The following TNFSF8 variants were observed in gnomAD, a reference collection of about 807,000 sequenced individuals.
The protein encoded by TNFSF8 is TNF superfamily member 8, also known as tumor necrosis factor ligand superfamily member 8.
Under a neutral mutation model 22.0 loss-of-function variants are expected in TNFSF8, and 4 were observed. The ratio of observed to expected loss-of-function variants is 0.18; its 90% CI spans 0.09 to 0.42. The LOEUF (loss-of-function observed/expected upper bound fraction) is 0.42. Ranked by LOEUF, TNFSF8 falls within the 10% of genes least tolerant of loss-of-function variation. The probability of loss-of-function intolerance (pLI) is 1.00; values close to 1 mark genes in which losing one functional copy is unlikely to be tolerated. For synonymous variants in TNFSF8, 106 were observed against 112.5 expected, an observed-to-expected ratio of 0.94 and a Z score of 0.37; for missense variants, 233 against 281.8, an observed-to-expected ratio of 0.83 and a Z score of 1.24.
intron 1 of TNFSF8, among the ~76,000 whole-genome samples, chr9:114,919,399 G>A (rs1243273707): frequency 6.6e-6 from 1 of 152,102 alleles, no homozygotes. Context: ...GTGACTAAAG[G>A]GAGGTTCTAG....
chr9:114,905,951 G>A (rs1335897284), intron 2 of TNFSF8, 52 bp from the exon 3 acceptor site: 1 of 1,200,806 alleles, frequency 8.3e-7, no homozygotes, highest in South Asian at 1.2e-5. Context: ...TTTGGGATCT[G>A]GAAATACCTG....
intron 1 of TNFSF8, among the ~76,000 whole-genome samples, chr9:114,919,317 A>G (rs1041493780): frequency 6.6e-5 from 10 of 152,180 alleles, no homozygotes; most frequent in African/African-American, 2.4e-4. Context: ...ATACATAAAT[A>G]TTTACACAAA....
chr9:114,925,163 G>A (rs147232830), intron 1 of TNFSF8, among the ~76,000 whole-genome samples: 8 of 152,298 alleles, frequency 5.3e-5, no homozygotes, highest in Non-Finnish European at 1.0e-4. Context: ...AGCTGAACAG[G>A]AAAACTGCTT....
intron 1 of TNFSF8, among the ~76,000 whole-genome samples, chr9:114,923,541 G>A (rs1587940220): frequency 7.8e-5 from 2 of 25,702 alleles, no homozygotes. Context: ...TTTTTGAGAT[G>A]AAATCTCACT....
At chr9:114,926,354 C>A (rs369955867) in intron 1 of TNFSF8, among the ~76,000 whole-genome samples, 7 of 152,032 alleles carry the variant, frequency 4.6e-5, no homozygotes, top group Admixed American at 4.6e-4. Context: ...GGGGGGAATC[C>A]GGGAGGCGGA....
intron 1 of TNFSF8, among the ~76,000 whole-genome samples, chr9:114,924,318 C>T (rs1828030335): frequency 6.6e-6 from 1 of 152,146 alleles, no homozygotes. Flanking sequence ...CAGTATGTGA[C>T]CCTAGATTGG....
intron 3 of TNFSF8, among the ~76,000 whole-genome samples, chr9:114,904,840 T>C (rs1324678084): frequency 6.6e-6 from 1 of 152,194 alleles, no homozygotes; most frequent in Admixed American, 6.5e-5. Flanking sequence ...AATTTAGGTT[T>C]GAAGATGTCC....
downstream of TNFSF8, among the ~76,000 whole-genome samples, chr9:114,900,484 C>A (rs1157251528): frequency 6.6e-6 from 1 of 152,190 alleles, no homozygotes; most frequent in Admixed American, 6.5e-5. Flanking sequence ...TATTTCCCAC[C>A]AGCCTTGATA....
intron 2 of TNFSF8, among the ~76,000 whole-genome samples, chr9:114,914,883 A>G (rs1453219086): frequency 6.6e-6 from 1 of 152,126 alleles, no homozygotes; most frequent in Admixed American, 6.5e-5. Flanking sequence ...TCATTACCCA[A>G]AAGGGTTTGA....
At chr9:114,927,806 A>C (rs1254227791) in intron 1 of TNFSF8, among the ~76,000 whole-genome samples, 2 of 152,128 alleles carry the variant, frequency 1.3e-5, no homozygotes, top group African/African-American at 4.8e-5. Context: ...AATAATGGTG[A>C]TGTGAGTCTA....
chr9:114,905,679 T>C, intron 3 of TNFSF8, 149 bp downstream of exon 3: 1 of 708,130 alleles, frequency 1.4e-6, no homozygotes, highest in Non-Finnish European at 2.6e-6. Context: ...AAATTCAAAT[T>C]ACAAAAAAAT....
intron 2 of TNFSF8, among the ~76,000 whole-genome samples, 153 bp from the exon 3 acceptor site, chr9:114,906,052 C>T (rs966636431): frequency 6.6e-6 from 1 of 152,140 alleles, no homozygotes; most frequent in Non-Finnish European, 1.5e-5. Context: ...CTCATTTTGC[C>T]ATCAGGTATT....
At chr9:114,913,520 G>A (rs1362947445) in intron 2 of TNFSF8, among the ~76,000 whole-genome samples, 1 of 152,202 alleles carries the variant, frequency 6.6e-6, no homozygotes, top group Non-Finnish European at 1.5e-5. Context: ...AAGAGCTGGG[G>A]GCCGCAGGTG....
At position 114,930,333 on chromosome 9, in the gene TNFSF8, T is replaced by C; in HGVS notation, c.-30A>G. On this transcript the variant is annotated 5_prime_UTR_variant, in exon 1 of 4. Transcript: ENST00000223795. The stretch of plus-strand genomic sequence containing the variant: ...TATATAGTCTTCCCCACATCACACC[T>C]TATCTCTCTTCATCTGATTCAGTTC... The C allele has an allele frequency of 7.0e-7, 1 of 1,438,588 alleles. No homozygotes were observed. The highest frequency in any genetic ancestry group is 9.2e-7 in the Non-Finnish European group (1 of 1,083,064). 89.1% of individuals were successfully genotyped at this position (1,438,588 alleles called of 1,614,324 possible).
chr9:114,921,470 A>G (rs1452072961), intron 1 of TNFSF8, among the ~76,000 whole-genome samples: 2 of 152,186 alleles, frequency 1.3e-5, no homozygotes, highest in Non-Finnish European at 2.9e-5. Context: ...GTTTCCAGAA[A>G]CAAAGGATAG....
Position 114,903,892 on chromosome 9 carries a change from T to C in TNFSF8, c.*39A>G, listed in dbSNP as rs746600047. ...TTTGGAGGGATGAAATACTGTATGG[T>C]AGAGAGGCGCTTTCTTCCTGAAGGC... is the stretch of plus-strand genomic sequence containing the variant. On this transcript the variant is annotated 3_prime_UTR_variant, in exon 4 of 4. Coordinates refer to ENST00000223795, the MANE Select transcript of TNFSF8 (RefSeq NM_001244.4). 7 of 1,571,012 alleles carry C rather than the reference T, an allele frequency of 4.5e-6. No homozygotes were observed. The highest frequency in any genetic ancestry group is 6.0e-6 in the Non-Finnish European group (7 of 1,160,768).
downstream of TNFSF8, among the ~76,000 whole-genome samples, chr9:114,896,848 A>G (rs186291359): frequency 6.6e-6 from 1 of 152,138 alleles, no homozygotes; most frequent in Admixed American, 6.5e-5. Context: ...CTTTCTAAAA[A>G]TTTCACCTTT....
Position 114,929,544 on chromosome 9 carries a change from A to C in TNFSF8, c.195+565T>G, listed in dbSNP as rs79025923. ...TTAGCTCCTTGTATAAAACAAAAGC[A>C]AAAACAAAACTCTTGGCAATGGGTG... On this transcript the variant is annotated intron_variant, in intron 1 of 3. Transcript: ENST00000223795. Among the ~76,000 whole-genome samples, 1,428 of 152,236 alleles carry C rather than the reference A, an allele frequency of 9.4e-3. 14 individuals carry two copies. Among genetic ancestry groups the C allele is most frequent in the South Asian group, 0.045 (217 of 4,822 alleles).
intron 2 of TNFSF8, among the ~76,000 whole-genome samples, chr9:114,912,300 G>A (rs1451496867): frequency 2.0e-5 from 3 of 152,220 alleles, no homozygotes; most frequent in Admixed American, 6.5e-5. Flanking sequence ...CTAGTCCATG[G>A]TTTGTGCTGC....
Sources: allele counts gnomAD v4.1 joint callset (sites outside exome capture counted in the v4.1 genomes callset), GRCh38; gene constraint gnomAD v4.1.1; transcripts MANE v1.5; gene names NCBI Gene and HGNC (gene_info 2026-07-23, HGNC 2026-07-21).